Variants in SEMA6A observed in about 807,000 individuals in gnomAD.
SEMA6A encodes the protein semaphorin 6A, also known as semaphorin-6A.
A neutral mutation model predicts 96.8 loss-of-function variants in SEMA6A; 25 were observed. The ratio of observed to expected loss-of-function variants is 0.26; its 90% confidence interval spans 0.19 to 0.36. The LOEUF is 0.36. Ranked by LOEUF, SEMA6A falls within the 10% of genes least tolerant of loss-of-function variation. SEMA6A has a pLI of 1.00. For synonymous variants in SEMA6A, 612 were observed against 518.0 expected (o/e 1.18, Z -2.46); for missense variants, 1,363 against 1,323.1 (o/e 1.03, Z -0.47).
chr5:116,480,406 G>A (rs1580413937), intron 11 of SEMA6A, 129 bp from the exon 12 acceptor site: 1 of 1,076,998 alleles, frequency 9.3e-7, no homozygotes, highest in African/African-American at 1.6e-5. Flanking sequence ...GGAGGAAGTT[G>A]AACAATGCAG....
intron 18 of SEMA6A, among the ~76,000 whole-genome samples, chr5:116,462,196 A>T (rs955544200): frequency 1.6e-4 from 25 of 152,122 alleles, no homozygotes; most frequent in African/African-American, 6.0e-4. Flanking sequence ...AAGAGTAACC[A>T]GGGGGTAGGA....
chr5:116,561,149 G>A (rs1760804505), intron 1 of SEMA6A, among the ~76,000 whole-genome samples: 1 of 151,986 alleles, frequency 6.6e-6, no homozygotes, highest in Non-Finnish European at 1.5e-5. Flanking sequence ...TTTAAATTGG[G>A]CATAATAATA....
At chr5:116,504,186 T>A (rs1758033234) in intron 2 of SEMA6A, among the ~76,000 whole-genome samples, 3 of 152,140 alleles carry the variant, frequency 2.0e-5, no homozygotes, top group Admixed American at 2.0e-4. Context: ...TTTACTGTAA[T>A]AAAATACTTA....
chr5:116,489,116 G>A (rs1412068278), intron 7 of SEMA6A, 109 bp from the exon 8 acceptor site: 1 of 1,214,866 alleles, frequency 8.2e-7, no homozygotes, highest in Non-Finnish European at 1.1e-6. Context: ...AAATGAGATA[G>A]CACAACTGGG....
chr5:116,467,887 T>G, intron 17 of SEMA6A, 140 bp from the exon 18 acceptor site: 1 of 482,970 alleles, frequency 2.1e-6, no homozygotes, highest in Non-Finnish European at 3.6e-6. Flanking sequence ...GGCTTAGTGG[T>G]GGTGGTGGTG....
chr5:116,508,464 A>G (rs1029191112), intron 1 of SEMA6A, among the ~76,000 whole-genome samples: 3 of 152,148 alleles, frequency 2.0e-5, no homozygotes, highest in Non-Finnish European at 4.4e-5. Context: ...CTGGGAAGCC[A>G]TGACAAGTGG....
chr5:116,495,733 TTGTG>T lies in SEMA6A; in HGVS notation c.343-223_343-220del, dbSNP rs1561496526. The T allele has an allele frequency of 2.3e-5, 11 of 481,972 alleles. 2 individuals carry two copies. Among genetic ancestry groups the T allele is most frequent in the South Asian group, 1.9e-4 (7 of 36,242 alleles). 29.9% of individuals were successfully genotyped at this position (481,972 alleles called of 1,614,324 possible). A position where few individuals can be genotyped will look rare whatever the true frequency, so the allele number is the denominator to read the frequency against. ...TAAAAACAAAGCATAGAATGGAAGA[TTGTG>T]TGTTTATTTTATGTCACAAAAGGAA... On this transcript the variant is annotated intron_variant, in intron 5 of 18. Coordinates refer to ENST00000343348, the MANE Select transcript of SEMA6A (RefSeq NM_020796.5).
chr5:116,568,343 A>T (rs1262218240), intron 1 of SEMA6A, among the ~76,000 whole-genome samples: 1 of 152,198 alleles, frequency 6.6e-6, no homozygotes. Flanking sequence ...AAGTTAAGTG[A>T]CTTGTCCAAG....
intron 17 of SEMA6A, among the ~76,000 whole-genome samples, chr5:116,470,114 A>C (rs1048277270): frequency 6.6e-6 from 1 of 152,162 alleles, no homozygotes; most frequent in African/African-American, 2.4e-5. Context: ...TGACTCTCAA[A>C]AATTTTAGAA....
chr5:116,476,661 T>A (rs1051956552), intron 15 of SEMA6A, among the ~76,000 whole-genome samples: 1 of 152,194 alleles, frequency 6.6e-6, no homozygotes, highest in African/African-American at 2.4e-5. Context: ...TAACAATAAT[T>A]TTTTAAAATT....
At chr5:116,529,342 C>T (rs1759364027) in intron 1 of SEMA6A, among the ~76,000 whole-genome samples, 1 of 152,026 alleles carries the variant, frequency 6.6e-6, no homozygotes, top group Admixed American at 6.6e-5. Flanking sequence ...TGTAGGGTGA[C>T]TATAATGAAC....
chr5:116,503,923 T>C (rs934916985), intron 2 of SEMA6A, among the ~76,000 whole-genome samples: 1 of 152,246 alleles, frequency 6.6e-6, no homozygotes, highest in African/African-American at 2.4e-5. Context: ...CTCTGCTATT[T>C]CAGGAATGAT....
chr5:116,530,150 T>C (rs1357392854), intron 1 of SEMA6A, among the ~76,000 whole-genome samples: 1 of 152,202 alleles, frequency 6.6e-6, no homozygotes, highest in Non-Finnish European at 1.5e-5. Flanking sequence ...CTTGAAGATA[T>C]ACTCATTTGA....
chr5:116,452,131 A>G (rs1417465755), intron 18 of SEMA6A, among the ~76,000 whole-genome samples: 1 of 152,170 alleles, frequency 6.6e-6, no homozygotes, highest in Non-Finnish European at 1.5e-5. Context: ...CAGAGAGAAC[A>G]ATCAGAGTTG....
At position 116,447,390 on chromosome 5, in the gene SEMA6A, G is replaced by A; in HGVS notation, c.2316C>T (p.Arg772=). 1 of 1,614,042 alleles carries A rather than the reference G, an allele frequency of 6.2e-7. No individual in the cohort carries two copies. The highest frequency in any genetic ancestry group is 8.5e-7 in the Non-Finnish European group (1 of 1,179,904). The change falls in exon 19 of 19, where the codon CGC becomes CGT. Residue 772 remains arginine, a synonymous_variant. Transcript: ENST00000343348. ...PTLQQKRKPS[R]GSREWERNQN... Reference sequence around the variant, plus strand: ...GGTTCCTCTCCCACTCGCGGCTGCCGCGGCTGGGCTTCCGCTTCTGCTGCA... The same window carrying A: ...GGTTCCTCTCCCACTCGCGGCTGCCACGGCTGGGCTTCCGCTTCTGCTGCA...
At chr5:116,465,324 A>G (rs550384022) in intron 18 of SEMA6A, among the ~76,000 whole-genome samples, 1 of 152,366 alleles carries the variant, frequency 6.6e-6, no homozygotes, top group East Asian at 1.9e-4. Flanking sequence ...TTGAAAATAA[A>G]TCATGAACAT....
At position 116,504,439 on chromosome 5, in the gene SEMA6A, A is replaced by G. The variant is rs61134318; in HGVS notation, c.100+406T>C. On this transcript the variant is annotated intron_variant, in intron 2 of 18. Coordinates refer to ENST00000343348, the MANE Select transcript of SEMA6A (RefSeq NM_020796.5). Reference sequence around the variant, plus strand: ...AAGTCCAAAAAAAATTTTTCTCTGAAGTACTCCAAAATGGTCATTACTTTT... The same window carrying G: ...AAGTCCAAAAAAAATTTTTCTCTGAGGTACTCCAAAATGGTCATTACTTTT... Among the ~76,000 whole-genome samples the G allele has an allele frequency of 4.7e-3, 711 of 152,318 alleles. 5 individuals carry two copies. Among genetic ancestry groups the G allele is most frequent in the African/African-American group, 0.016 (667 of 41,572 alleles).
At chr5:116,539,166 T>G (rs2112858704) in intron 1 of SEMA6A, among the ~76,000 whole-genome samples, 1 of 152,322 alleles carries the variant, frequency 6.6e-6, no homozygotes, top group South Asian at 2.1e-4. Flanking sequence ...ATTTATTTCT[T>G]TGGCCCTAGA....
chr5:116,570,812 C>G (rs1289410673), intron 1 of SEMA6A, among the ~76,000 whole-genome samples: 1 of 152,124 alleles, frequency 6.6e-6, no homozygotes. Context: ...GTGCAACTAC[C>G]CATTTACTTT....
Sources: gnomAD v4.1 joint callset for allele counts (sites outside exome capture counted in the v4.1 genomes callset) on GRCh38, gnomAD v4.1.1 for gene constraint, MANE v1.5 for transcripts, NCBI Gene and HGNC (gene_info 2026-07-23, HGNC 2026-07-21) for gene names.